Variants in SSC4D observed in about 807,000 individuals in gnomAD.
The protein encoded by SSC4D is scavenger receptor cysteine rich family member with 4 domains.
A neutral mutation model predicts 63.4 loss-of-function variants in SSC4D; 57 were observed. The observed-to-expected ratio is 0.90, with a 90% CI of 0.73 to 1.12. SSC4D has a LOEUF of 1.12. SSC4D is among the 50% of genes most tolerant of loss of function. SSC4D has a pLI of 0.00. For synonymous variants in SSC4D, 352 were observed against 345.4 expected (o/e 1.02, Z -0.21); for missense variants, 791 against 806.4 (o/e 0.98, Z 0.23).
At chr7:76,400,640 C>G in intron 3 of SSC4D, 49 bp from the exon 4 acceptor site, 1 of 1,411,292 alleles carries the variant, frequency 7.1e-7, no homozygotes. Context: ...GTCCAACCTC[C>G]AGCATGCCCA....
Position 76,390,185 on chromosome 7 carries a change from G to A in SSC4D, c.1602C>T (p.Pro534=), listed in dbSNP as rs1197865983. The change falls in exon 11 of 11, where the codon CCC becomes CCT. Residue 534 remains proline, a synonymous_variant. Coordinates refer to ENST00000275560, the MANE Select transcript of SSC4D (RefSeq NM_080744.2). The part of the protein sequence containing the change: ...GEAHFGPGRG[P]ILLDNVKCRG... Reference sequence around the variant, plus strand: ...GGCACTTGACATTGTCCAGGAGAATGGGGCCTCGGCCTGGGCCAAAGTGAG... The same window carrying A: ...GGCACTTGACATTGTCCAGGAGAATAGGGCCTCGGCCTGGGCCAAAGTGAG... The A allele has an allele frequency of 1.2e-6, 2 of 1,614,110 alleles. No homozygotes were observed. The highest frequency in any genetic ancestry group is 2.7e-5 in the African/African-American group (2 of 74,952).
Position 76,393,514 on chromosome 7 carries a change from C to T in SSC4D, c.1224G>A (p.Leu408=). ...HFGYGRGPVL[L]DNVGCAGTEA... The stretch of plus-strand genomic sequence containing the variant: ...CGGTGCCGGCGCAGCCCACGTTGTC[C>T]AGCAGCACGGGGCCGCGGCCGTAGC... The change falls in exon 9 of 11, where the codon CTG becomes CTA. Residue 408 remains leucine (L), a synonymous_variant. Coordinates refer to ENST00000275560, the MANE Select transcript of SSC4D (RefSeq NM_080744.2). 6.6e-7 allele frequency: 1 copy of T among 1,525,958 alleles called. No individual in the cohort carries two copies. Among genetic ancestry groups the T allele is most frequent in the Non-Finnish European group, 8.7e-7 (1 of 1,143,586 alleles). 94.5% of individuals were successfully genotyped at this position (1,525,958 alleles called of 1,614,324 possible).
Position 76,397,499 on chromosome 7 carries a change from T to C in SSC4D, c.868+19A>G, listed in dbSNP as rs1468316652. 7.6e-7 allele frequency: 1 copy of C among 1,322,152 alleles called. No homozygotes were observed. The highest frequency in any genetic ancestry group is 2.8e-5 in the Admixed American group (1 of 35,716). 81.9% of individuals were successfully genotyped at this position (1,322,152 alleles called of 1,614,324 possible). A position where few individuals can be genotyped will look rare whatever the true frequency, so the allele number is the denominator to read the frequency against. On this transcript the variant is annotated intron_variant, in intron 6 of 10. Transcript: ENST00000275560. ...CGCCCACCTGCCCCGGCCCCGCCCA[T>C]CGCCCCTAGAGCCCGCACCTGCGCA...
In SSC4D at chr7:76,390,489, G is replaced by T. The variant is rs1804472895; in HGVS notation, c.1412-114C>A. 18 of 943,238 alleles carry T rather than the reference G, an allele frequency of 1.9e-5. No individual in the cohort carries two copies. The South Asian group carries it at 2.6e-4, about 14-fold the overall frequency. 58.4% of individuals were successfully genotyped at this position (943,238 alleles called of 1,614,324 possible). A position where few individuals can be genotyped will look rare whatever the true frequency, so the allele number is the denominator to read the frequency against. On this transcript the variant is annotated intron_variant, in intron 10 of 10. Coordinates refer to ENST00000275560, the MANE Select transcript of SSC4D (RefSeq NM_080744.2). ...AGACACTCTGAGCACTGCCCTAGGA[G>T]CCGCTAGATGAAGGCAGACACATGA...
chr7:76,403,483 G>A (rs1584030559), intron 2 of SSC4D, among the ~76,000 whole-genome samples: 2 of 151,086 alleles, frequency 1.3e-5, no homozygotes, highest in Non-Finnish European at 2.9e-5. Flanking sequence ...GATTACAGGC[G>A]CCCGCCACCA....
intron 1 of SSC4D, among the ~76,000 whole-genome samples, chr7:76,405,990 TTTC>T (rs1288020145): frequency 6.6e-6 from 1 of 151,902 alleles, no homozygotes; most frequent in Non-Finnish European, 1.5e-5. Context: ...TTTCTTTTCT[TTTC>T]TTTTCTTTCT....
intron 2 of SSC4D, among the ~76,000 whole-genome samples, chr7:76,403,188 C>T (rs975507540): frequency 2.6e-5 from 4 of 152,152 alleles, no homozygotes; most frequent in African/African-American, 7.2e-5. Context: ...GGAGAGGAAA[C>T]AGGGAAGTGA....
intron 5 of SSC4D, 51 bp downstream of exon 5, chr7:76,398,669 G>T: frequency 6.3e-7 from 1 of 1,577,718 alleles, no homozygotes; most frequent in Non-Finnish European, 8.7e-7. Context: ...GGTAGGGTGT[G>T]AGAGACTCCT....
chr7:76,393,600 C>A lies in SSC4D; in HGVS notation c.1138G>T (p.Val380Leu). The A allele has an allele frequency of 6.6e-7, 1 of 1,504,830 alleles. No individual in the cohort carries two copies. The highest frequency in any genetic ancestry group is 8.8e-7 in the Non-Finnish European group (1 of 1,133,304). 93.2% of individuals were successfully genotyped at this position (1,504,830 alleles called of 1,614,324 possible). Residue 380 changes from valine to leucine, a missense_variant, in exon 9 of 11, where the codon GTG (valine) becomes TTG (leucine). Coordinates refer to ENST00000275560, the MANE Select transcript of SSC4D (RefSeq NM_080744.2). ...CCGCAGCCCGCTTCGCGGCAGGCCA[C>A]GCGCGCGTCCGCAAAGTCCCAGTCA... ...DDDWDFADARVACREAGCGPA... is the reference protein window; with the variant it reads ...DDDWDFADARLACREAGCGPA...
chr7:76,406,029 A>C lies in SSC4D; in HGVS notation c.-66-1524T>G, dbSNP rs147045876. ...TTGATGGAGTCTCGCTCTGTCGTCC[A>C]GGCTGGAATGCAATGGTGCGATCTC... On this transcript the variant is annotated intron_variant, in intron 1 of 10. Transcript: ENST00000275560. Among the ~76,000 whole-genome samples, 604 of 148,276 alleles carry C rather than the reference A, an allele frequency of 4.1e-3. 5 individuals are homozygous for C. The highest frequency in any genetic ancestry group is 0.014 in the African/African-American group (572 of 39,992).
chr7:76,405,339 C>CTTTCTTTCTTT lies in SSC4D; in HGVS notation c.-66-835_-66-834insAAAGAAAGAAA, dbSNP rs1271510975. 7.5e-4 allele frequency among the ~76,000 whole-genome samples: 16 copies of CTTTCTTTCTTT among 21,384 alleles called. 1 individual carries two copies. Among genetic ancestry groups the CTTTCTTTCTTT allele is most frequent in the African/African-American group, 1.7e-3 (8 of 4,726 alleles). The allele number at this position is 21,384 out of a possible 152,430, so 14.0% of individuals were successfully genotyped here. A position where few individuals can be genotyped will look rare whatever the true frequency, so the allele number is the denominator to read the frequency against. On this transcript the variant is annotated intron_variant, in intron 1 of 10. Coordinates refer to ENST00000275560, the MANE Select transcript of SSC4D (RefSeq NM_080744.2). ...TATGTATTTTTTTCTTTCTTTCTTT[C>CTTTCTTTCTTT]TTTTTTTTTTTTTTTTTTTTTTGGT...
Position 76,393,531 on chromosome 7 carries a change from G to GGCCGTA in SSC4D, c.1201_1206dup (p.Tyr401_Gly402dup). On this transcript the variant is annotated inframe_insertion, in exon 9 of 11. Transcript: ENST00000275560. ...ACGTTGTCCAGCAGCACGGGGCCGCGGCCGTAGCCGAAGTGGCCCAGTCCC... is the reference window on the plus strand; with the variant it reads ...ACGTTGTCCAGCAGCACGGGGCCGCGGCCGTAGCCGTAGCCGAAGTGGCCCAGTCCC... 1.3e-6 allele frequency: 2 copies of GGCCGTA among 1,523,980 alleles called. No homozygotes were observed. The highest frequency in any genetic ancestry group is 1.8e-6 in the Non-Finnish European group (2 of 1,142,484). 94.4% of individuals were successfully genotyped at this position (1,523,980 alleles called of 1,614,324 possible).
intron 9 of SSC4D, among the ~76,000 whole-genome samples, chr7:76,392,560 G>A (rs1262526176): frequency 2.6e-5 from 4 of 151,470 alleles, no homozygotes; most frequent in Non-Finnish European, 5.9e-5. Flanking sequence ...AAAAGTCATG[G>A]TGAGAGGATC....
intron 1 of SSC4D, among the ~76,000 whole-genome samples, chr7:76,408,716 G>T (rs555213027): frequency 3.1e-4 from 47 of 152,240 alleles, no homozygotes; most frequent in Admixed American, 5.2e-4. Flanking sequence ...TCCAAGGTGG[G>T]CCCCTCCAGT....
intron 7 of SSC4D, 110 bp from the exon 8 acceptor site, chr7:76,394,014 C>G (rs1169564222): frequency 4.5e-6 from 5 of 1,102,344 alleles, no homozygotes. Flanking sequence ...CACCCGTACC[C>G]CCACTCAGCT....
chr7:76,396,772 C>T (rs76828428), intron 6 of SSC4D, among the ~76,000 whole-genome samples: 2,478 of 152,266 alleles, frequency 0.016, 34 homozygotes, highest in East Asian at 0.064. Context: ...GAGCAGAGTC[C>T]ATCTGTGAAA....
At chr7:76,397,473 C>T (rs1326692607) in intron 6 of SSC4D, 45 bp downstream of exon 6, 10 of 1,445,270 alleles carry the variant, frequency 6.9e-6, no homozygotes, top group Non-Finnish European at 7.2e-6. Context: ...CCACAGGGCC[C>T]CGCCCACCTG....
At chr7:76,403,000 A>G (rs1245768214) in intron 2 of SSC4D, among the ~76,000 whole-genome samples, 1 of 152,158 alleles carries the variant, frequency 6.6e-6, no homozygotes, top group East Asian at 1.9e-4. Flanking sequence ...TCAGTTAATC[A>G]TTAGGATAAT....
At chr7:76,392,111 C>A in intron 9 of SSC4D, 70 bp from the exon 10 acceptor site, 2 of 1,460,346 alleles carry the variant, frequency 1.4e-6, no homozygotes, top group Non-Finnish European at 1.9e-6. Flanking sequence ...GGGCCAGGTC[C>A]CCTCCTGCTC....
Sources: gnomAD v4.1 joint callset for allele counts (sites outside exome capture counted in the v4.1 genomes callset) on GRCh38, gnomAD v4.1.1 for gene constraint, MANE v1.5 for transcripts, NCBI Gene and HGNC (gene_info 2026-07-23, HGNC 2026-07-21) for gene names.